The following MGRN1 variants were observed in gnomAD, a reference collection of about 807,000 sequenced individuals.
The protein encoded by MGRN1 is E3 ubiquitin-protein ligase MGRN1.
MGRN1 carries 29 observed loss-of-function variants against 69.2 expected under a neutral mutation model. The observed-to-expected ratio is 0.42, with a 90% confidence interval of 0.31 to 0.57. The LOEUF is 0.57. Ranked by LOEUF, MGRN1 falls within the 20% of genes least tolerant of loss-of-function variation. MGRN1 has a pLI of 0.15. For synonymous variants in MGRN1, 470 were observed against 344.2 expected (o/e 1.37, Z -4.04); for missense variants, 998 against 796.2 (o/e 1.25, Z -3.05).
intron 16 of MGRN1, chr16:4,688,547 G>A (rs2079387133): frequency 2.4e-6 from 3 of 1,265,846 alleles, no homozygotes; most frequent in Non-Finnish European, 3.0e-6. Flanking sequence ...ACTCGGGGCT[G>A]CAGATCTGCT....
In MGRN1 at chr16:4,671,340, C is replaced by A. The variant is rs768511390; in HGVS notation, c.727-51C>A. On this transcript the variant is annotated intron_variant, in intron 8 of 16. Coordinates refer to ENST00000262370, the MANE Select transcript of MGRN1 (RefSeq NM_015246.4). ...GCTAGGCCAGGTGGGTATGGAGGAG[C>A]CCTCATATGGCAGTTGGCGAGGGCC... 3.2e-6 allele frequency: 5 copies of A among 1,579,410 alleles called. No homozygotes were observed. In the African/African-American group the frequency reaches 6.7e-5, roughly 21 times the overall value.
At chr16:4,653,888 G>A (rs1348696870) in intron 4 of MGRN1, among the ~76,000 whole-genome samples, 1 of 152,156 alleles carries the variant, frequency 6.6e-6, no homozygotes, top group Non-Finnish European at 1.5e-5. Flanking sequence ...GAGTAGCTGG[G>A]ATTACAGGCA....
chr16:4,630,683 G>A (rs1216889292), intron 1 of MGRN1, among the ~76,000 whole-genome samples: 1 of 152,076 alleles, frequency 6.6e-6, no homozygotes, highest in African/African-American at 2.4e-5. Flanking sequence ...CTGACCTTGT[G>A]ATCTGCCTGC....
rs1033095057 is a variant in MGRN1, at chr16:4,673,612, G to T, written c.910G>T (p.Asp304Tyr). ...CCTGTGCCTCTGTACCTCCTGCGCC[G>T]ACACGCTGCGCTACCAGGCCAACAA... ...RHLCLCTSCA[D>Y]TLRYQANNCP... Residue 304 changes from aspartate to tyrosine, a missense_variant, in exon 10 of 17, where the codon GAC (aspartate) becomes TAC (tyrosine). Transcript: ENST00000262370. 1 of 1,613,584 alleles carries T rather than the reference G, an allele frequency of 6.2e-7. No homozygotes were observed. The highest frequency in any genetic ancestry group is 1.3e-5 in the African/African-American group (1 of 75,026).
intron 14 of MGRN1, 136 bp from the exon 15 acceptor site, chr16:4,683,088 G>T: frequency 2.0e-6 from 3 of 1,507,700 alleles, no homozygotes; most frequent in Non-Finnish European, 2.7e-6. Flanking sequence ...CGGCTCCTTA[G>T]CCTCGGTCTG....
At chr16:4,668,124 C>CTTTTT in intron 7 of MGRN1, 141 bp from the exon 8 acceptor site, 7 of 521,376 alleles carry the variant, frequency 1.3e-5, no homozygotes, top group Admixed American at 7.3e-5. Flanking sequence ...TGGCCCCACC[C>CTTTTT]TTTTTTTTTT....
chr16:4,638,973 C>T (rs2078096544), intron 1 of MGRN1, among the ~76,000 whole-genome samples: 2 of 152,146 alleles, frequency 1.3e-5, no homozygotes, highest in South Asian at 4.1e-4. Flanking sequence ...CTTCCCATGG[C>T]TGACAGTGCA....
At position 4,630,808 on chromosome 16, in the gene MGRN1, C is replaced by CT. The variant is rs58149708; in HGVS notation, c.88+5780dup. On this transcript the variant is annotated intron_variant, in intron 1 of 16. Coordinates refer to ENST00000262370, the MANE Select transcript of MGRN1 (RefSeq NM_015246.4). ...GTCTTTGATCCATTTAGAGTTAATT[C>CT]TTTTTTTTTTTTTTTTTTTTAATTT... Among the ~76,000 whole-genome samples, 1,035 of 109,204 alleles carry CT rather than the reference C, an allele frequency of 9.5e-3. 4 individuals are homozygous for CT. Among genetic ancestry groups the CT allele is most frequent in the Non-Finnish European group, 0.013 (656 of 50,704 alleles). The allele number at this position is 109,204 out of a possible 152,430, so 71.6% of individuals were successfully genotyped here. A position where few individuals can be genotyped will look rare whatever the true frequency, so the allele number is the denominator to read the frequency against.
At chr16:4,625,423 G>C (rs1440005205) in intron 1 of MGRN1, among the ~76,000 whole-genome samples, 3 of 152,232 alleles carry the variant, frequency 2.0e-5, no homozygotes, top group Non-Finnish European at 2.9e-5. Context: ...ATTGTCATCA[G>C]ATTGACCTCA....
At position 4,669,526 on chromosome 16, in the gene MGRN1, A is replaced by G. The variant is rs59286336; in HGVS notation, c.726+1214A>G. On this transcript the variant is annotated intron_variant, in intron 8 of 16. Transcript: ENST00000262370. ...GGGTCCCTGTCTTGGGTGAGCATAT[A>G]TGTTTTGCGTGCCCGCCATGTACAG... Among the ~76,000 whole-genome samples the G allele has an allele frequency of 4.8e-3, 724 of 150,948 alleles. 4 individuals carry two copies. The highest frequency in any genetic ancestry group is 0.017 in the African/African-American group (692 of 41,192).
intron 1 of MGRN1, among the ~76,000 whole-genome samples, chr16:4,625,624 C>T (rs1023492957): frequency 5.9e-5 from 9 of 152,144 alleles, no homozygotes; most frequent in Non-Finnish European, 1.0e-4. Flanking sequence ...AGCCGATACT[C>T]GGGCCTCTGT....
At chr16:4,661,499 C>T (rs543727153) in intron 5 of MGRN1, among the ~76,000 whole-genome samples, 4 of 152,332 alleles carry the variant, frequency 2.6e-5, no homozygotes, top group African/African-American at 9.6e-5. Flanking sequence ...GTGTTAGGCA[C>T]GGCTTCCGTT....
At chr16:4,650,661 C>G (rs867844622) in intron 2 of MGRN1, 178 bp downstream of exon 2, 2 of 501,978 alleles carry the variant, frequency 4.0e-6, no homozygotes, top group Middle Eastern at 5.2e-4. Flanking sequence ...TGGGTTGTGT[C>G]CTGGTGCTGC....
At position 4,687,895 on chromosome 16, in the gene MGRN1, C is replaced by T. The variant is rs1309730409; in HGVS notation, c.1619-901C>T. ...TGAGCCCAGCGAGTCCCTCTGTTGA[C>T]CCCTGTCCTGAGCCATTATACCCCT... On this transcript the variant is annotated intron_variant, in intron 16 of 16. Coordinates refer to ENST00000262370, the MANE Select transcript of MGRN1 (RefSeq NM_015246.4). 4.1e-6 allele frequency: 4 copies of T among 985,450 alleles called. No individual in the cohort carries two copies. The African/African-American group carries it at 5.2e-5, about 13-fold the overall frequency. 61.0% of individuals were successfully genotyped at this position (985,450 alleles called of 1,614,324 possible).
intron 12 of MGRN1, chr16:4,680,387 T>C (rs1317434347): frequency 1.5e-5 from 6 of 409,190 alleles, no homozygotes; most frequent in Non-Finnish European, 2.7e-5. Flanking sequence ...GGCAGTGGAA[T>C]GGACGTTGCA....
intron 11 of MGRN1, among the ~76,000 whole-genome samples, chr16:4,678,202 G>A (rs2079095563): frequency 6.6e-6 from 1 of 152,210 alleles, no homozygotes; most frequent in African/African-American, 2.4e-5. Flanking sequence ...TGTGCAAGGG[G>A]CACTGGTGAC....
At position 4,673,532 on chromosome 16, in the gene MGRN1, A is replaced by C. The variant is rs34075195; in HGVS notation, c.830A>C (p.Glu277Ala). The C allele has an allele frequency of 1.5e-4, 249 of 1,613,456 alleles. No homozygotes were observed. The highest frequency in any genetic ancestry group is 2.5e-5 in the Non-Finnish European group (29 of 1,179,972). The change falls in exon 10 of 17, where the codon GAG becomes GCG. Residue 277 changes from glutamate (E) to alanine (A), a missense_variant. By Grantham distance (107) the Glu-to-Ala change is moderately radical. Transcript: ENST00000262370. ...GACGAGAACAGCGACAACAGCAACG[A>C]GTGTGTGGTGTGCCTGTCCGACCTG... The part of the protein sequence containing the change: ...SDDENSDNSN[E>A]CVVCLSDLRD...
At chr16:4,683,345 C>A (rs558661077) in intron 15 of MGRN1, 76 bp downstream of exon 15, 6 of 1,552,028 alleles carry the variant, frequency 3.9e-6, no homozygotes, top group Non-Finnish European at 8.8e-7. Flanking sequence ...CTTAGGGCTC[C>A]AGGTGGTGTT....
chr16:4,660,678 G>C (rs939139738), intron 5 of MGRN1, among the ~76,000 whole-genome samples: 1 of 152,206 alleles, frequency 6.6e-6, no homozygotes, highest in African/African-American at 2.4e-5. Context: ...AGTGGCTGCC[G>C]GTGCGCGAAC....
Sources: allele counts gnomAD v4.1 joint callset (sites outside exome capture counted in the v4.1 genomes callset), GRCh38; gene constraint gnomAD v4.1.1; transcripts MANE v1.5; gene names NCBI Gene and HGNC (gene_info 2026-07-23, HGNC 2026-07-21).